Variants in NCOA1 observed in about 807,000 individuals in gnomAD.
NCOA1 encodes Hin-2 protein.
NCOA1 carries 35 observed loss-of-function variants against 150.9 expected under a neutral mutation model. That is an observed-to-expected ratio of 0.23 (90% CI 0.18 to 0.31). NCOA1 has a LOEUF of 0.31. Among genes scored for constraint, NCOA1 ranks in the 10% least tolerant of loss-of-function variants. The probability of loss-of-function intolerance (pLI) is 1.00; values close to 1 mark genes in which losing one functional copy is unlikely to be tolerated. For synonymous variants in NCOA1, 590 were observed against 630.0 expected (o/e 0.94, Z 0.95); for missense variants, 1,491 against 1,749.3 (o/e 0.85, Z 2.63).
At chr2:24,706,275 G>C (rs989128558) in intron 12 of NCOA1, among the ~76,000 whole-genome samples, 2 of 151,840 alleles carry the variant, frequency 1.3e-5, no homozygotes, top group Non-Finnish European at 2.9e-5. Flanking sequence ...CCAAAACCAA[G>C]AAAAATTTTT....
At chr2:24,653,359 GGCAGTTT>G (rs1218008928) in intron 4 of NCOA1, among the ~76,000 whole-genome samples, 1 of 151,974 alleles carries the variant, frequency 6.6e-6, no homozygotes, top group Non-Finnish European at 1.5e-5. Flanking sequence ...AGACCAAGAA[GGCAGTTT>G]GCTGTTTTTT....
At chr2:24,539,927 T>C (rs1057158879) in intron 1 of NCOA1, among the ~76,000 whole-genome samples, 1 of 152,216 alleles carries the variant, frequency 6.6e-6, no homozygotes, top group African/African-American at 2.4e-5. Flanking sequence ...GTAAAGGATC[T>C]GTTTCCATGT....
intron 3 of NCOA1, among the ~76,000 whole-genome samples, chr2:24,607,119 A>G (rs186613237): frequency 6.6e-6 from 1 of 152,066 alleles, no homozygotes; most frequent in East Asian, 1.9e-4. Context: ...CAGATGTTGT[A>G]TAGCATAATT....
intron 19 of NCOA1, among the ~76,000 whole-genome samples, chr2:24,745,157 CTTTTTTTTTTTT>C (rs201221705): frequency 7.6e-6 from 1 of 131,686 alleles, no homozygotes; most frequent in East Asian, 2.1e-4. Context: ...TTTCTTTTTT[CTTTTTTTTTTTT>C]TTTTTTCTTT....
chr2:24,704,472 A>C (rs1260736033), intron 11 of NCOA1, among the ~76,000 whole-genome samples: 5 of 152,158 alleles, frequency 3.3e-5, no homozygotes, highest in Non-Finnish European at 5.9e-5. Flanking sequence ...AGCTGCCCCC[A>C]GTATAGAGAA....
At chr2:24,610,019 G>C (rs1208006642) in intron 3 of NCOA1, among the ~76,000 whole-genome samples, 1 of 151,326 alleles carries the variant, frequency 6.6e-6, no homozygotes, top group South Asian at 2.1e-4. Context: ...ATTGCATTGT[G>C]ATCAGGGAAT....
chr2:24,588,891 A>G (rs2148329071), intron 3 of NCOA1, among the ~76,000 whole-genome samples: 1 of 152,340 alleles, frequency 6.6e-6, no homozygotes, highest in Non-Finnish European at 1.5e-5. Context: ...AGGTGTGCAA[A>G]GAAAATATAG....
rs529287651 is a variant in NCOA1 at position 24,588,138 on chromosome 2, A to G, written c.-175+3578A>G. ...CTCATTCTGTCACCCAGACTGGAGC[A>G]CAGTAGTGTGATCATGGCTCACTGC... On this transcript the variant is annotated intron_variant, in intron 3 of 22. Coordinates refer to ENST00000348332, the MANE Select transcript of NCOA1 (RefSeq NM_003743.5). 9.2e-5 allele frequency among the ~76,000 whole-genome samples: 14 copies of G among 151,848 alleles called. No homozygotes were observed. In the South Asian group the frequency reaches 2.7e-3, roughly 29 times the overall value.
intron 3 of NCOA1, among the ~76,000 whole-genome samples, chr2:24,588,025 A>G (rs75106828): frequency 0.034 from 5,238 of 152,242 alleles, 140 homozygotes; most frequent in East Asian, 0.12. Flanking sequence ...ATGGCTGACC[A>G]TGGGACTCTG....
intron 2 of NCOA1, among the ~76,000 whole-genome samples, chr2:24,583,936 C>A (rs1421672186): frequency 2.0e-5 from 3 of 152,002 alleles, no homozygotes; most frequent in Non-Finnish European, 4.4e-5. Context: ...ATAACAGATA[C>A]AAAATTATAG....
At chr2:24,726,481 G>T in intron 14 of NCOA1, 108 bp from the exon 15 acceptor site, 1 of 596,740 alleles carries the variant, frequency 1.7e-6, no homozygotes, top group South Asian at 2.6e-5. Context: ...TATCATTGAA[G>T]TAATATTTTA....
At chr2:24,741,043 G>A (rs1237568650) in intron 18 of NCOA1, among the ~76,000 whole-genome samples, 1 of 151,994 alleles carries the variant, frequency 6.6e-6, no homozygotes, top group Admixed American at 6.6e-5. Context: ...CAAAATAGCT[G>A]TTTCCATTTA....
chr2:24,578,167 A>C (rs1350644264), intron 2 of NCOA1, among the ~76,000 whole-genome samples: 4 of 152,160 alleles, frequency 2.6e-5, no homozygotes, highest in Non-Finnish European at 5.9e-5. Context: ...TAGTATTAAG[A>C]AAATCTAGTT....
At chr2:24,640,146 G>A (rs906130699) in intron 3 of NCOA1, among the ~76,000 whole-genome samples, 3 of 151,466 alleles carry the variant, frequency 2.0e-5, no homozygotes, top group Non-Finnish European at 2.9e-5. Flanking sequence ...ATATGTTAAT[G>A]GTTTCTAACT....
In NCOA1 at chr2:24,705,147, G is replaced by A. The variant is rs747280143; in HGVS notation, c.1011G>A (p.Met337Ile). The A allele has an allele frequency of 6.2e-7, 1 of 1,614,060 alleles. No homozygotes were observed. Among genetic ancestry groups the A allele is most frequent in the Non-Finnish European group, 8.5e-7 (1 of 1,179,956 alleles). ...SYRFILNDGT[M>I]LSAHTKCKLC... ...GATTCATATTGAATGATGGGACAATGCTTAGCGCCCACACCAAGTGTAAAC... is the reference window on the plus strand; with the variant it reads ...GATTCATATTGAATGATGGGACAATACTTAGCGCCCACACCAAGTGTAAAC... The change falls in exon 12 of 23, where the codon ATG (methionine) becomes ATA (isoleucine). Residue 337 changes from methionine to isoleucine, a missense_variant. Coordinates refer to ENST00000348332, the MANE Select transcript of NCOA1 (RefSeq NM_003743.5).
At chr2:24,618,557 G>A (rs1668975901) in intron 3 of NCOA1, among the ~76,000 whole-genome samples, 1 of 152,068 alleles carries the variant, frequency 6.6e-6, no homozygotes, top group Admixed American at 6.6e-5. Flanking sequence ...TTTAACCAGA[G>A]CATGGATAGT....
At chr2:24,701,790 C>T (rs1553308661) in intron 11 of NCOA1, among the ~76,000 whole-genome samples, 2 of 152,154 alleles carry the variant, frequency 1.3e-5, no homozygotes, top group Non-Finnish European at 2.9e-5. Context: ...GTGTGAGGAT[C>T]GCTTGAGCAC....
intron 14 of NCOA1, among the ~76,000 whole-genome samples, chr2:24,723,073 A>G (rs1674436305): frequency 6.6e-6 from 1 of 151,782 alleles, no homozygotes; most frequent in Admixed American, 6.6e-5. Context: ...TGATTAAGAT[A>G]TTCACGGTTC....
At chr2:24,753,365 TG>T (rs1458119356) in intron 20 of NCOA1, among the ~76,000 whole-genome samples, 1 of 146,050 alleles carries the variant, frequency 6.8e-6, no homozygotes, top group Non-Finnish European at 1.5e-5. Flanking sequence ...AAATATGGCT[TG>T]GGGAAAAAAA....
Sources: allele counts gnomAD v4.1 joint callset (sites outside exome capture counted in the v4.1 genomes callset), GRCh38; gene constraint gnomAD v4.1.1; transcripts MANE v1.5; gene names NCBI Gene and HGNC (gene_info 2026-07-23, HGNC 2026-07-21).